MYO1E: variants seen among roughly 807,000 people sequenced by gnomAD.
The protein encoded by MYO1E is unconventional myosin-Ie.
In MYO1E, 68 loss-of-function variants were observed where a neutral mutation model predicts 151.1. That is an observed-to-expected ratio of 0.45 (90% CI 0.37 to 0.55). The LOEUF is 0.55. Among genes scored for constraint, MYO1E ranks in the 20% least tolerant of loss-of-function variants. MYO1E has a pLI of 0.00. For synonymous variants in MYO1E, 601 were observed against 501.7 expected, an observed-to-expected ratio of 1.20 and a Z score of -2.64; for missense variants, 1,363 against 1,389.3, an observed-to-expected ratio of 0.98 and a Z score of 0.30.
intron 7 of MYO1E, 102 bp from the exon 8 acceptor site, chr15:59,224,925 G>C: frequency 6.6e-7 from 1 of 1,513,780 alleles, no homozygotes. Flanking sequence ...TTCTATCTCT[G>C]CTTTCTAAAA....
chr15:59,358,295 C>A (rs995727940), intron 1 of MYO1E, among the ~76,000 whole-genome samples: 21 of 152,096 alleles, frequency 1.4e-4, no homozygotes, highest in African/African-American at 5.1e-4. Flanking sequence ...GAGGAGAGAG[C>A]TCCCTTTGGT....
At chr15:59,331,956 G>C (rs2080700676) in intron 1 of MYO1E, among the ~76,000 whole-genome samples, 1 of 152,192 alleles carries the variant, frequency 6.6e-6, no homozygotes. Flanking sequence ...TAATTTCACA[G>C]TAAGGGTAAC....
Position 59,217,616 on chromosome 15 carries a change from C to T in MYO1E, c.1107+275G>A, listed in dbSNP as rs146855568. On this transcript the variant is annotated intron_variant, in intron 10 of 27. Coordinates refer to ENST00000288235, the MANE Select transcript of MYO1E (RefSeq NM_004998.4). ...TCTCGGCTCACTGCAGCCTTGACCT[C>T]CCAGGCTCAAGTGATCTTAACCACC... Among the ~76,000 whole-genome samples the T allele has an allele frequency of 6.5e-3, 885 of 135,246 alleles. 23 individuals carry two copies. Among genetic ancestry groups the T allele is most frequent in the East Asian group, 0.03 (130 of 4,316 alleles). The allele number at this position is 135,246 out of a possible 152,430, so 88.7% of individuals were successfully genotyped here.
chr15:59,255,723 CT>C (rs2080190488), intron 4 of MYO1E, among the ~76,000 whole-genome samples: 1 of 152,154 alleles, frequency 6.6e-6, no homozygotes, highest in African/African-American at 2.4e-5. Flanking sequence ...GCAAAAAAAT[CT>C]CATAATGTTT....
Position 59,205,410 on chromosome 15 carries a change from T to C in MYO1E, c.1606A>G (p.Ser536Gly), listed in dbSNP as rs2079826999. 1.2e-6 allele frequency: 2 copies of C among 1,614,046 alleles called. No homozygotes were observed. The highest frequency in any genetic ancestry group is 3.3e-5 in the Admixed American group (2 of 60,010). ...LFMDLIELMQ[S>G]SELPFIKSLF... Reference sequence around the variant, plus strand: ...GCAAAACATACTTACAGCTCGCTGCTCTGCATAAGCTCGATGAGATCCATA... The same window carrying C: ...GCAAAACATACTTACAGCTCGCTGCCCTGCATAAGCTCGATGAGATCCATA... The change falls in exon 15 of 28, where the codon AGC becomes GGC. Residue 536 changes from serine (S) to glycine (G), a missense_variant. Coordinates refer to ENST00000288235, the MANE Select transcript of MYO1E (RefSeq NM_004998.4).
chr15:59,141,508 T>A (rs1385813377), intron 26 of MYO1E, among the ~76,000 whole-genome samples: 1 of 152,140 alleles, frequency 6.6e-6, no homozygotes, highest in African/African-American at 2.4e-5. Context: ...TTTTAAAAAA[T>A]ATAGGACTGG....
intron 1 of MYO1E, among the ~76,000 whole-genome samples, chr15:59,314,189 C>A (rs756821023): frequency 6.6e-6 from 1 of 152,206 alleles, no homozygotes; most frequent in Non-Finnish European, 1.5e-5. Context: ...TCGCTATGTG[C>A]ACTTAGGCAG....
chr15:59,311,886 C>T (rs917574494), intron 1 of MYO1E, among the ~76,000 whole-genome samples: 4 of 152,174 alleles, frequency 2.6e-5, no homozygotes, highest in Non-Finnish European at 5.9e-5. Context: ...CACTCTTTCT[C>T]GTGCACGCAC....
At chr15:59,354,792 T>C (rs12911676) in intron 1 of MYO1E, among the ~76,000 whole-genome samples, 109,253 of 151,982 alleles carry the variant, frequency 0.72, 42,765 homozygotes, top group Non-Finnish European at 0.88. Flanking sequence ...AGCCTCTCAA[T>C]TGAAGGGGCG....
chr15:59,201,459 C>T (rs1379409205), intron 16 of MYO1E, among the ~76,000 whole-genome samples: 1 of 140,460 alleles, frequency 7.1e-6, no homozygotes, highest in Non-Finnish European at 1.5e-5. Context: ...GGCTGGAGTG[C>T]AATCGCGCAA....
intron 18 of MYO1E, among the ~76,000 whole-genome samples, chr15:59,187,891 G>C (rs138530410): frequency 1.4e-4 from 22 of 152,332 alleles, no homozygotes; most frequent in Non-Finnish European, 2.9e-4. Flanking sequence ...ATAAGTGACT[G>C]ACTGGGCCCA....
At position 59,308,691 on chromosome 15, in the gene MYO1E, T is replaced by A. The variant is rs1377011170; in HGVS notation, c.4-36242A>T. ...CATCTCAAAAAAAAAAAAAAAAAAT[T>A]AGCTGGGCATGGTGGCAGGTGCCCC... On this transcript the variant is annotated intron_variant, in intron 1 of 27. Transcript: ENST00000288235. 1.9e-4 allele frequency among the ~76,000 whole-genome samples: 24 copies of A among 127,486 alleles called. No individual in the cohort carries two copies. In the East Asian group the frequency reaches 5.4e-3, roughly 29 times the overall value. 83.6% of individuals were successfully genotyped at this position (127,486 alleles called of 152,430 possible).
At chr15:59,278,414 C>T (rs11071422) in intron 1 of MYO1E, among the ~76,000 whole-genome samples, 73,547 of 152,002 alleles carry the variant, frequency 0.48, 20,496 homozygotes, top group Middle Eastern at 0.63. Flanking sequence ...AAAGGGACTA[C>T]CTATTTTAAT....
At chr15:59,259,786 C>T (rs928768620) in intron 3 of MYO1E, among the ~76,000 whole-genome samples, 5 of 152,196 alleles carry the variant, frequency 3.3e-5, no homozygotes, top group South Asian at 2.1e-4. Flanking sequence ...TCTCAGCTAT[C>T]TGTGACAAAA....
At chr15:59,320,201 G>T (rs1403542581) in intron 1 of MYO1E, among the ~76,000 whole-genome samples, 1 of 152,168 alleles carries the variant, frequency 6.6e-6, no homozygotes, top group African/African-American at 2.4e-5. Context: ...AACATTCCAT[G>T]CTCATCCATT....
In MYO1E at chr15:59,291,682, TAAAAAAAAAAAAAAAA is replaced by T. The variant is rs1182076268; in HGVS notation, c.4-19249_4-19234del. Among the ~76,000 whole-genome samples, 38 of 7,806 alleles carry T rather than the reference TAAAAAAAAAAAAAAAA, an allele frequency of 4.9e-3. 1 individual carries two copies. The highest frequency in any genetic ancestry group is 9.9e-3 in the African/African-American group (36 of 3,644). 5.1% of individuals were successfully genotyped at this position (7,806 alleles called of 152,430 possible). ...GAAATCCCGTCTCTACTAAAAATAC[TAAAAAAAAAAAAAAAA>T]AAAAAAAAAAAAAAGAGAGAGAGAG... On this transcript the variant is annotated intron_variant, in intron 1 of 27. Transcript: ENST00000288235.
intron 16 of MYO1E, among the ~76,000 whole-genome samples, chr15:59,200,608 C>G (rs575985505): frequency 2.0e-5 from 3 of 152,062 alleles, no homozygotes; most frequent in African/African-American, 7.2e-5. Context: ...GACATTGTGA[C>G]ACCCCAACTT....
chr15:59,353,616 G>C (rs555840761), intron 1 of MYO1E, among the ~76,000 whole-genome samples: 3 of 151,718 alleles, frequency 2.0e-5, no homozygotes, highest in African/African-American at 7.3e-5. Context: ...AAATAGCCGG[G>C]TGTGGTGGCG....
chr15:59,300,516 G>A (rs939768669), intron 1 of MYO1E, among the ~76,000 whole-genome samples: 5 of 152,104 alleles, frequency 3.3e-5, no homozygotes, highest in African/African-American at 1.2e-4. Context: ...CACTCTGCCC[G>A]CTCATTCTCA....
Sources: allele counts gnomAD v4.1 joint callset (sites outside exome capture counted in the v4.1 genomes callset), GRCh38; gene constraint gnomAD v4.1.1; transcripts MANE v1.5; gene names NCBI Gene and HGNC (gene_info 2026-07-23, HGNC 2026-07-21).